The following THSD7A variants were observed in gnomAD, a reference collection of about 807,000 sequenced individuals.
THSD7A encodes thrombospondin type-1 domain-containing protein 7A.
Under a neutral mutation model 231.3 loss-of-function variants are expected in THSD7A, and 96 were observed. The observed-to-expected ratio is 0.41, with a 90% confidence interval of 0.35 to 0.49. The LOEUF (loss-of-function observed/expected upper bound fraction) is 0.49. THSD7A is among the 20% of genes least tolerant of loss of function. THSD7A has a pLI of 0.05. For missense variants in THSD7A, 2,290 were observed against 2,070.2 expected (o/e 1.11, Z -2.06); for synonymous variants, 940 against 743.3 (o/e 1.26, Z -4.30).
chr7:11,735,410 A>T (rs902720260), intron 1 of THSD7A, among the ~76,000 whole-genome samples: 1 of 151,976 alleles, frequency 6.6e-6, no homozygotes, highest in Non-Finnish European at 1.5e-5. Flanking sequence ...AATTCCATAC[A>T]TAAGCACTTA....
At chr7:11,440,677 G>T (rs538124877) in intron 13 of THSD7A, among the ~76,000 whole-genome samples, 1 of 152,178 alleles carries the variant, frequency 6.6e-6, no homozygotes, top group East Asian at 1.9e-4. Context: ...GGAGTCTGAA[G>T]ATGTGACTGG....
At chr7:11,467,160 G>A (rs1460111511) in intron 9 of THSD7A, among the ~76,000 whole-genome samples, 1 of 152,160 alleles carries the variant, frequency 6.6e-6, no homozygotes, top group East Asian at 1.9e-4. Flanking sequence ...CTTTCTCACA[G>A]TCATTTAAGG....
chr7:11,736,680 C>CAAGGG (rs1380314727), intron 1 of THSD7A, among the ~76,000 whole-genome samples: 6 of 151,758 alleles, frequency 4.0e-5, no homozygotes, highest in Non-Finnish European at 7.4e-5. Context: ...CTAAGCATAC[C>CAAGGG]CTTGTATCCT....
intron 1 of THSD7A, among the ~76,000 whole-genome samples, chr7:11,685,326 A>G (rs1278714139): frequency 3.9e-5 from 6 of 151,958 alleles, no homozygotes; most frequent in African/African-American, 1.4e-4. Flanking sequence ...TAAAAAATTT[A>G]TGACTAAGTC....
chr7:11,790,033 A>G (rs1250941334), intron 1 of THSD7A, among the ~76,000 whole-genome samples: 4 of 152,014 alleles, frequency 2.6e-5, no homozygotes, highest in African/African-American at 7.2e-5. Context: ...GCATTGATAT[A>G]TTTATTTCAA....
At chr7:11,704,802 G>C (rs527652306) in intron 1 of THSD7A, among the ~76,000 whole-genome samples, 1 of 151,038 alleles carries the variant, frequency 6.6e-6, no homozygotes, top group Admixed American at 6.6e-5. Flanking sequence ...TTCCTCTCTA[G>C]CTTCTGAGAC....
rs904262283 is a variant in THSD7A, at chr7:11,429,793, G to A, written c.3065-668C>T. On this transcript the variant is annotated intron_variant, in intron 13 of 27. Transcript: ENST00000423059. ...GCAGGTAAGAAAACAAATGCAGAGC[G>A]ATGACTGACTGAGTCCAAGGTTACA... is the stretch of plus-strand genomic sequence containing the variant. Among the ~76,000 whole-genome samples the A allele has an allele frequency of 5.3e-5, 8 of 152,256 alleles. No homozygotes were observed. The East Asian group carries it at 7.7e-4, about 15-fold the overall frequency.
intron 4 of THSD7A, among the ~76,000 whole-genome samples, chr7:11,563,086 G>A (rs1790142953): frequency 6.6e-6 from 1 of 152,162 alleles, no homozygotes; most frequent in Non-Finnish European, 1.5e-5. Context: ...ACCAGTGATT[G>A]CTCAAAGCTT....
chr7:11,775,295 T>C (rs1783366112), intron 1 of THSD7A, among the ~76,000 whole-genome samples: 1 of 152,136 alleles, frequency 6.6e-6, no homozygotes. Flanking sequence ...TGGTGTTTCC[T>C]CAAACCCATT....
At chr7:11,476,980 CCTAA>C (rs562729485) in intron 7 of THSD7A, among the ~76,000 whole-genome samples, 94 of 152,074 alleles carry the variant, frequency 6.2e-4, no homozygotes, top group African/African-American at 1.9e-3. Context: ...TGTCCATCAC[CCTAA>C]CTATGTTAGT....
intron 8 of THSD7A, 56 bp from the exon 9 acceptor site, chr7:11,470,050 A>T (rs933217740): frequency 2.4e-6 from 3 of 1,229,146 alleles, no homozygotes; most frequent in Non-Finnish European, 3.5e-6. Context: ...AAATCAGATA[A>T]TTTAATTTCT....
At chr7:11,508,729 G>T (rs997374418) in intron 6 of THSD7A, among the ~76,000 whole-genome samples, 2 of 152,168 alleles carry the variant, frequency 1.3e-5, no homozygotes, top group Non-Finnish European at 2.9e-5. Context: ...AGAAAATGTG[G>T]TATATACTCA....
At chr7:11,786,265 A>G (rs1783789299) in intron 1 of THSD7A, among the ~76,000 whole-genome samples, 1 of 152,126 alleles carries the variant, frequency 6.6e-6, no homozygotes, top group South Asian at 2.1e-4. Flanking sequence ...CTAGCAAGCC[A>G]ATAACTCAAC....
chr7:11,517,478 A>T (rs1014141951), intron 6 of THSD7A, among the ~76,000 whole-genome samples: 3 of 152,184 alleles, frequency 2.0e-5, no homozygotes, highest in Non-Finnish European at 2.9e-5. Flanking sequence ...AAAAATAGAT[A>T]CACTAAGTAT....
At chr7:11,685,628 C>G (rs970020300) in intron 1 of THSD7A, among the ~76,000 whole-genome samples, 4 of 151,960 alleles carry the variant, frequency 2.6e-5, no homozygotes, top group African/African-American at 9.7e-5. Context: ...AAGAGCTCAT[C>G]ATCACTAATC....
At position 11,636,410 on chromosome 7, in the gene THSD7A, C is replaced by A; in HGVS notation, c.742G>T (p.Ala248Ser). 1 of 1,613,740 alleles carries A rather than the reference C, an allele frequency of 6.2e-7. No individual in the cohort carries two copies. Among genetic ancestry groups the A allele is most frequent in the Non-Finnish European group, 8.5e-7 (1 of 1,179,884 alleles). ...TGCAGGCTGTACCTGAGCTCCTCGG[C>A]CTCGCATGGACTGGATTGGCACACC... ...FQVCQSSPCE[A>S]EELRYSLHVG... The change falls in exon 2 of 28, where the codon GCC (alanine) becomes TCC (serine). Residue 248 changes from alanine to serine, a missense_variant. By Grantham distance (99) the Ala-to-Ser change is moderately conservative (BLOSUM62 1). Coordinates refer to ENST00000423059, the MANE Select transcript of THSD7A (RefSeq NM_015204.3). This position sits in a 1 kb window ranked among gnomAD's most constrained non-coding sequence, Gnocchi z 10.0.
chr7:11,594,714 A>C (rs149143372), intron 2 of THSD7A, among the ~76,000 whole-genome samples: 1 of 152,330 alleles, frequency 6.6e-6, no homozygotes, highest in Non-Finnish European at 1.5e-5. Context: ...CTTCATAAGC[A>C]GATACTGAGC....
chr7:11,792,470 A>G (rs1338620628), intron 1 of THSD7A, among the ~76,000 whole-genome samples: 1 of 151,850 alleles, frequency 6.6e-6, no homozygotes, highest in Non-Finnish European at 1.5e-5. Flanking sequence ...CCCCCAATAT[A>G]TCTTGCACCA....
chr7:11,450,204 C>A (rs553002708), intron 11 of THSD7A, among the ~76,000 whole-genome samples: 1 of 152,004 alleles, frequency 6.6e-6, no homozygotes, highest in Non-Finnish European at 1.5e-5. Context: ...AACACTACTA[C>A]CAATACAATT....
Sources: gnomAD v4.1 joint callset for allele counts (sites outside exome capture counted in the v4.1 genomes callset) on GRCh38, gnomAD v4.1.1 for gene constraint, Gnocchi (gnomAD v3.1) non-coding constraint, MANE v1.5 for transcripts, NCBI Gene and HGNC (gene_info 2026-07-23, HGNC 2026-07-21) for gene names.